Variants in USP42 observed in about 807,000 individuals in gnomAD.
The protein encoded by USP42 is ubiquitin specific peptidase 42.
USP42 carries 23 observed loss-of-function variants against 113.0 expected under a neutral mutation model. The observed-to-expected ratio is 0.20, with a 90% CI of 0.15 to 0.29. The LOEUF (loss-of-function observed/expected upper bound fraction) is 0.29, where lower values mean the gene tolerates loss of function less well. Among genes scored for constraint, USP42 ranks in the 10% least tolerant of loss-of-function variants. The probability of loss-of-function intolerance (pLI) is 1.00; values close to 1 mark genes in which losing one functional copy is unlikely to be tolerated. For missense variants in USP42, 2,174 were observed against 1,779.8 expected, an observed-to-expected ratio of 1.22 and a Z score of -3.99; for synonymous variants, 933 against 699.0, an observed-to-expected ratio of 1.33 and a Z score of -5.28.
chr7:6,098,292 T>C, the USP42 span, among the ~76,000 whole-genome samples: 1 of 150,240 alleles, frequency 6.7e-6, no homozygotes, highest in Non-Finnish European at 1.5e-5. Flanking sequence ...GAGATCTGTA[T>C]TAAAGGAAAG....
chr7:6,159,536 G>A lies in USP42; in HGVS notation c.*36+43G>A. 6.4e-7 allele frequency: 1 copy of A among 1,574,266 alleles called. No individual in the cohort carries two copies. Among genetic ancestry groups the A allele is most frequent in the Non-Finnish European group, 8.7e-7 (1 of 1,144,648 alleles). Reference sequence around the variant, plus strand: ...CTGTTTCCTCATTGTTTGTGGTGGCGCTGAGGGGACGCAGGCAGAGGAGTT... The same window carrying A: ...CTGTTTCCTCATTGTTTGTGGTGGCACTGAGGGGACGCAGGCAGAGGAGTT... On this transcript the variant is annotated intron_variant, in intron 17 of 17. Coordinates refer to ENST00000306177, the MANE Select transcript of USP42 (RefSeq NM_032172.3). The surrounding 1 kb of genome is among the most constrained non-coding windows in gnomAD (Gnocchi z 4.1).
At chr7:6,084,551 C>A in the USP42 span, 1 of 151,244 alleles carries the variant, frequency 6.6e-6, no homozygotes, top group Non-Finnish European at 1.5e-5. Flanking sequence ...CTGAGTTAGC[C>A]ACTAGGCACT....
chr7:6,127,488 T>A (rs968165089), intron 3 of USP42, among the ~76,000 whole-genome samples: 18 of 152,164 alleles, frequency 1.2e-4, no homozygotes, highest in African/African-American at 4.3e-4. Flanking sequence ...TGAGCTGAGT[T>A]TTTTTGTCTG....
At chr7:6,131,515 G>GA (rs1780850826) in intron 3 of USP42, among the ~76,000 whole-genome samples, 2 of 151,970 alleles carry the variant, frequency 1.3e-5, no homozygotes, top group Admixed American at 6.6e-5. Flanking sequence ...ATAATATACA[G>GA]AAAAAAATAC....
intron 2 of USP42, among the ~76,000 whole-genome samples, chr7:6,113,150 C>T (rs1416950515): frequency 1.3e-5 from 2 of 152,084 alleles, no homozygotes; most frequent in Non-Finnish European, 2.9e-5. Context: ...CCGCCTCGGC[C>T]TCCCAGAGTG....
the USP42 span, among the ~76,000 whole-genome samples, chr7:6,092,076 CTCT>C: frequency 1.5e-3 from 36 of 23,814 alleles, no homozygotes; most frequent in Non-Finnish European, 2.3e-3. Context: ...CTTCTTCTTC[CTCT>C]TCCTCTTCTT....
At chr7:6,125,516 T>C (rs945801956) in intron 3 of USP42, among the ~76,000 whole-genome samples, 3 of 152,136 alleles carry the variant, frequency 2.0e-5, no homozygotes, top group Admixed American at 6.6e-5. Flanking sequence ...AATATTCTGC[T>C]TCTCGTGAAG....
the USP42 span, among the ~76,000 whole-genome samples, chr7:6,093,734 A>G: frequency 7.0e-6 from 1 of 142,882 alleles, no homozygotes; most frequent in Non-Finnish European, 1.5e-5. Flanking sequence ...AAAATATGGT[A>G]GGTACTTCTT....
At chr7:6,138,992 G>A in intron 4 of USP42, 100 bp from the exon 5 acceptor site, 1 of 730,124 alleles carries the variant, frequency 1.4e-6, no homozygotes, top group Non-Finnish European at 2.2e-6. Flanking sequence ...GTATTTGGGA[G>A]TTTTCCAACC....
In USP42 at chr7:6,154,254, A is replaced by G; in HGVS notation, c.2700A>G (p.Pro900=). 1 of 1,604,784 alleles carries G rather than the reference A, an allele frequency of 6.2e-7. No individual in the cohort carries two copies. The highest frequency in any genetic ancestry group is 8.5e-7 in the Non-Finnish European group (1 of 1,177,066). Residue 900 remains proline, a synonymous_variant, in exon 15 of 18, where the codon CCA becomes CCG. Transcript: ENST00000306177. ...CACCCGAGGCCGCAGAGCGGCCGCC[A>G]GCTCCTGTGCTGGACATGGCCCCGG... ...LGAPEAAERP[P]APVLDMAPAG... is the part of the protein sequence containing the mutation.
chr7:6,143,150 C>T (rs1781523593), intron 8 of USP42, 136 bp downstream of exon 8: 9 of 802,542 alleles, frequency 1.1e-5, no homozygotes, highest in South Asian at 8.4e-5. Context: ...GCGTCCCTGT[C>T]GTCCAAAGGC....
At chr7:6,135,154 G>T (rs1200484245) in intron 3 of USP42, among the ~76,000 whole-genome samples, 1 of 152,172 alleles carries the variant, frequency 6.6e-6, no homozygotes, top group African/African-American at 2.4e-5. Context: ...AAATAGTGGT[G>T]TGAGGGGAAA....
the USP42 span, among the ~76,000 whole-genome samples, chr7:6,085,458 C>A: frequency 2.0e-5 from 3 of 149,210 alleles, no homozygotes. Flanking sequence ...ACTCGTAAAA[C>A]GGAAATCTAG....
Position 6,158,943 on chromosome 7 carries a change from G to T in USP42, c.3944-507G>T, listed in dbSNP as rs538422850. Among the ~76,000 whole-genome samples, 171 of 152,154 alleles carry T rather than the reference G, an allele frequency of 1.1e-3. 2 individuals carry two copies. The highest frequency in any genetic ancestry group is 1.1e-3 in the Non-Finnish European group (76 of 68,004). On this transcript the variant is annotated intron_variant, in intron 16 of 17. Transcript: ENST00000306177. This position sits in a 1 kb window ranked among gnomAD's most constrained non-coding sequence, Gnocchi z 4.2. ...GTCTCGGGTGCTGTGGTCAGGCGTT[G>T]TCTGTGTGGTGGCCCTGTGTTTCCG... is the stretch of plus-strand genomic sequence containing the variant.
upstream of USP42, among the ~76,000 whole-genome samples, chr7:6,103,014 T>C (rs904606471): frequency 1.3e-5 from 2 of 150,892 alleles, no homozygotes; most frequent in African/African-American, 5.0e-5. Context: ...TGTAAAGGGT[T>C]AGATCACCAG....
chr7:6,086,381 A>G, the USP42 span, among the ~76,000 whole-genome samples: 1 of 149,978 alleles, frequency 6.7e-6, no homozygotes, highest in Non-Finnish European at 1.5e-5. Flanking sequence ...AATTTTTTGT[A>G]TTTTTAATAG....
intron 4 of USP42, among the ~76,000 whole-genome samples, chr7:6,138,167 A>T (rs959156676): frequency 5.7e-4 from 86 of 152,208 alleles, no homozygotes; most frequent in Admixed American, 5.6e-3. Context: ...GATTTAAGCT[A>T]GAACATTTTT....
chr7:6,156,997 G>C lies in USP42; in HGVS notation c.3885G>C (p.Thr1295=). Residue 1295 remains threonine, a synonymous_variant, in exon 16 of 18, where the codon ACG becomes ACC. Transcript: ENST00000306177. ...GCGTCGGACCTTTCCGTGAGAAAAC[G>C]AAACACTTACGGATGGAAAGCAGGG... ...LEGVGPFREK[T]KHLRMESRDD... is the part of the protein sequence containing the mutation. The C allele has an allele frequency of 6.2e-7, 1 of 1,613,504 alleles. No homozygotes were observed. The highest frequency in any genetic ancestry group is 1.1e-5 in the South Asian group (1 of 90,964).
intron 14 of USP42, 87 bp from the exon 15 acceptor site, chr7:6,153,669 G>GT: frequency 1.5e-6 from 2 of 1,355,580 alleles, no homozygotes; most frequent in Non-Finnish European, 1.9e-6. Flanking sequence ...GCAAATGAAC[G>GT]TTTTGAAGTA....
Sources: allele counts gnomAD v4.1 joint callset (sites outside exome capture counted in the v4.1 genomes callset), GRCh38; gene constraint gnomAD v4.1.1; non-coding constraint Gnocchi (gnomAD v3.1); transcripts MANE v1.5; gene names NCBI Gene and HGNC (gene_info 2026-07-23, HGNC 2026-07-21).